Variants in MAP3K4 observed in about 807,000 individuals in gnomAD.
MAP3K4 encodes MAP three kinase 1.
MAP3K4 carries 67 observed loss-of-function variants against 185.6 expected under a neutral mutation model. The ratio of observed to expected loss-of-function variants is 0.36; its 90% confidence interval spans 0.30 to 0.44. MAP3K4 has a LOEUF of 0.44. MAP3K4 is among the 20% of genes least tolerant of loss of function. The pLI, the probability that MAP3K4 is intolerant of heterozygous loss-of-function variation, is 1.00. For synonymous variants in MAP3K4, 702 were observed against 710.4 expected (o/e 0.99, Z 0.19); for missense variants, 1,551 against 1,995.1 (o/e 0.78, Z 4.24).
intron 3 of MAP3K4, among the ~76,000 whole-genome samples, chr6:161,060,233 C>T (rs1482365633): frequency 6.6e-6 from 1 of 151,988 alleles, no homozygotes; most frequent in Non-Finnish European, 1.5e-5. Context: ...TAAACTTTTC[C>T]TCACCTATTA....
Position 161,108,370 on chromosome 6 carries a change from G to C in MAP3K4, c.4120-373G>C, listed in dbSNP as rs74319298. On this transcript the variant is annotated intron_variant, in intron 21 of 26. Transcript: ENST00000392142. The surrounding 1 kb of genome is among the most constrained non-coding windows in gnomAD (Gnocchi z 5.7). ...GAGGTAGGATGGGGAAAGGGCCAGG[G>C]AACCTGAAGTAGAAACAGGACTCAC... Among the ~76,000 whole-genome samples, 5,381 of 152,278 alleles carry C rather than the reference G, an allele frequency of 0.035. 329 individuals are homozygous for C. Among genetic ancestry groups the C allele is most frequent in the African/African-American group, 0.12 (5,111 of 41,544 alleles).
chr6:161,108,740 C>T lies in MAP3K4; in HGVS notation c.4120-3C>T. The T allele has an allele frequency of 1.3e-6, 2 of 1,583,886 alleles. No individual in the cohort carries two copies. Among genetic ancestry groups the T allele is most frequent in the Non-Finnish European group, 1.7e-6 (2 of 1,152,462 alleles). The stretch of plus-strand genomic sequence containing the variant: ...TTAACATTTTTGTCACCTCACTTTA[C>T]AGATTCGATTTCAACCTAATGACCA... On this transcript the variant is annotated splice_polypyrimidine_tract_variant and splice_region_variant and intron_variant, in intron 21 of 26. Transcript: ENST00000392142. This position sits in a 1 kb window ranked among gnomAD's most constrained non-coding sequence, Gnocchi z 5.7.
chr6:161,081,006 G>A lies in MAP3K4; in HGVS notation c.2223G>A (p.Arg741=). The change falls in exon 6 of 27, where the codon CGG becomes CGA. Residue 741 remains arginine (R), a synonymous_variant. Transcript: ENST00000392142. ...CCAAAGAAATAACTCATTACATACG[G>A]GGAGGAGAAGCACAGGCCGGGAAGC... ...NFTKEITHYI[R]GGEAQAGKLF... 1 of 1,614,120 alleles carries A rather than the reference G, an allele frequency of 6.2e-7. No individual in the cohort carries two copies. Among genetic ancestry groups the A allele is most frequent in the Non-Finnish European group, 8.5e-7 (1 of 1,180,024 alleles).
chr6:161,025,002 TCCATCCATCCATCCAC>T (rs1193052501), intron 1 of MAP3K4, among the ~76,000 whole-genome samples: 38 of 148,134 alleles, frequency 2.6e-4, no homozygotes, highest in Middle Eastern at 3.4e-3. Flanking sequence ...CACCCAGCCA[TCCATCCATCCATCCAC>T]CCATCCATCC....
chr6:161,029,252 G>T (rs1291641936), intron 1 of MAP3K4, among the ~76,000 whole-genome samples: 1 of 151,100 alleles, frequency 6.6e-6, no homozygotes, highest in South Asian at 2.1e-4. Context: ...GGCGGGGGTG[G>T]TGTTGGGGGG....
intron 5 of MAP3K4, among the ~76,000 whole-genome samples, chr6:161,079,303 C>T (rs969814177): frequency 4.7e-5 from 7 of 148,580 alleles, no homozygotes; most frequent in Non-Finnish European, 5.9e-5. Context: ...GTTGGCCGGA[C>T]GCAGTGGTTC....
intron 10 of MAP3K4, among the ~76,000 whole-genome samples, chr6:161,089,018 ACACACACACT>A (rs1366286286): frequency 2.1e-5 from 3 of 145,222 alleles, no homozygotes; most frequent in Non-Finnish European, 2.9e-5. Context: ...GCACACATAC[ACACACACACT>A]CACACACACT....
intron 1 of MAP3K4, among the ~76,000 whole-genome samples, chr6:161,032,771 C>G (rs1328517133): frequency 1.3e-5 from 2 of 152,122 alleles, no homozygotes; most frequent in African/African-American, 4.8e-5. Context: ...TGTTATGAGA[C>G]TTAAATAATG....
At position 161,027,677 on chromosome 6, in the gene MAP3K4, T is replaced by G. The variant is rs112210005; in HGVS notation, c.153-6582T>G. On this transcript the variant is annotated intron_variant, in intron 1 of 26. Transcript: ENST00000392142. Reference sequence around the variant, plus strand: ...GCTGTAGCCCTCATTAAAGTAGTGGTTGATTAAAACCCACTCATGGGTTTA... The same window carrying G: ...GCTGTAGCCCTCATTAAAGTAGTGGGTGATTAAAACCCACTCATGGGTTTA... Among the ~76,000 whole-genome samples, 1,150 of 152,296 alleles carry G rather than the reference T, an allele frequency of 7.6e-3. 11 individuals carry two copies. Among genetic ancestry groups the G allele is most frequent in the African/African-American group, 0.026 (1,093 of 41,562 alleles).
In MAP3K4 at chr6:161,075,123, G is replaced by C. The variant is rs936854587; in HGVS notation, c.2097+1511G>C. Reference sequence around the variant, plus strand: ...GTTATTCTCTATATAAAAGACCTGAGTGTGTAAAATGGCTGTATTTTGAAA... The same window carrying C: ...GTTATTCTCTATATAAAAGACCTGACTGTGTAAAATGGCTGTATTTTGAAA... On this transcript the variant is annotated intron_variant, in intron 5 of 26. Coordinates refer to ENST00000392142, the MANE Select transcript of MAP3K4 (RefSeq NM_005922.4). This position sits in a 1 kb window ranked among gnomAD's most constrained non-coding sequence, Gnocchi z 4.3. 6.6e-6 allele frequency among the ~76,000 whole-genome samples: 1 copy of C among 152,184 alleles called. No homozygotes were observed. Among genetic ancestry groups the C allele is most frequent in the Non-Finnish European group, 1.5e-5 (1 of 68,030 alleles).
rs1173523441 is a variant in MAP3K4 at position 161,075,257 on chromosome 6, C to T, written c.2097+1645C>T. Among the ~76,000 whole-genome samples, 2 of 152,136 alleles carry T rather than the reference C, an allele frequency of 1.3e-5. No homozygotes were observed. Among genetic ancestry groups the T allele is most frequent in the Non-Finnish European group, 2.9e-5 (2 of 68,038 alleles). ...GTAGTCTCAACCTACTGGGCTCAAA[C>T]GATCCTCCTGCCTCAGCCTCCCTAA... is the stretch of plus-strand genomic sequence containing the variant. On this transcript the variant is annotated intron_variant, in intron 5 of 26. Coordinates refer to ENST00000392142, the MANE Select transcript of MAP3K4 (RefSeq NM_005922.4). This position sits in a 1 kb window ranked among gnomAD's most constrained non-coding sequence, Gnocchi z 4.3.
intron 3 of MAP3K4, among the ~76,000 whole-genome samples, chr6:161,069,058 G>C (rs1454439284): frequency 6.6e-6 from 1 of 152,240 alleles, no homozygotes; most frequent in Non-Finnish European, 1.5e-5. Context: ...GTTATATGTA[G>C]TATGTTTTTA....
intron 5 of MAP3K4, among the ~76,000 whole-genome samples, chr6:161,079,251 G>C (rs1056454409): frequency 4.7e-5 from 7 of 149,576 alleles, no homozygotes; most frequent in Admixed American, 3.3e-4. Context: ...GGAACAGGAG[G>C]AAGCTGACTT....
Position 161,039,729 on chromosome 6 carries a change from A to T in MAP3K4, c.343+5280A>T, listed in dbSNP as rs139717252. Among the ~76,000 whole-genome samples the T allele has an allele frequency of 4.7e-3, 716 of 152,340 alleles. 6 individuals are homozygous for T. The highest frequency in any genetic ancestry group is 0.017 in the African/African-American group (696 of 41,588). ...TAAATAAGCTCTTAGTTTTGTAAAG[A>T]TAAGAGAGATGCACACCATAAATAC... is the stretch of plus-strand genomic sequence containing the variant. On this transcript the variant is annotated intron_variant, in intron 2 of 26. Transcript: ENST00000392142.
chr6:161,043,473 C>G lies in MAP3K4; in HGVS notation c.344-5143C>G, dbSNP rs944973435. On this transcript the variant is annotated intron_variant, in intron 2 of 26. Transcript: ENST00000392142. This position sits in a 1 kb window ranked among gnomAD's most constrained non-coding sequence, Gnocchi z 4.3. ...GTCAGTTGGTACTGCCTTGCAAACA[C>G]CTTTGACAAGTCCAAGGATGGTGTG... is the stretch of plus-strand genomic sequence containing the variant. Among the ~76,000 whole-genome samples the G allele has an allele frequency of 6.6e-6, 1 of 152,224 alleles. No homozygotes were observed. The highest frequency in any genetic ancestry group is 2.4e-5 in the African/African-American group (1 of 41,456).
chr6:161,041,932 T>C (rs866946052), intron 2 of MAP3K4, among the ~76,000 whole-genome samples: 1,613 of 135,048 alleles, frequency 0.012, 42 homozygotes, highest in African/African-American at 0.042. Context: ...TTTTCTTTTT[T>C]TTTTTTTTAG....
At position 161,097,355 on chromosome 6, in the gene MAP3K4, A is replaced by G. The variant is rs1326673881; in HGVS notation, c.3524+179A>G. Among the ~76,000 whole-genome samples, 1 of 152,252 alleles carries G rather than the reference A, an allele frequency of 6.6e-6. No homozygotes were observed. Among genetic ancestry groups the G allele is most frequent in the Non-Finnish European group, 1.5e-5 (1 of 68,044 alleles). ...TTAGTCGCAAAAGAAAAAGACATGC[A>G]AATTTAAAACAGACCTGTGCCTTTC... On this transcript the variant is annotated intron_variant, in intron 16 of 26. Coordinates refer to ENST00000392142, the MANE Select transcript of MAP3K4 (RefSeq NM_005922.4). The surrounding 1 kb of genome is among the most constrained non-coding windows in gnomAD (Gnocchi z 4.9).
intron 1 of MAP3K4, among the ~76,000 whole-genome samples, chr6:161,019,623 G>A (rs559260956): frequency 3.5e-4 from 53 of 152,190 alleles, no homozygotes; most frequent in Non-Finnish European, 6.3e-4. Context: ...TGGCTTGGCC[G>A]GTCTTGAACT....
rs778101871 is a variant in MAP3K4, at chr6:161,049,570, G to T, written c.1298G>T (p.Arg433Leu). 1 of 1,613,954 alleles carries T rather than the reference G, an allele frequency of 6.2e-7. No homozygotes were observed. The highest frequency in any genetic ancestry group is 2.2e-5 in the East Asian group (1 of 44,888). Residue 433 changes from arginine (R) to leucine (L), a missense_variant, in exon 3 of 27, where the codon CGA (arginine) becomes CTA (leucine). Physicochemically the swap from Arg to Leu is moderately radical, Grantham distance 102. Transcript: ENST00000392142. The surrounding 1 kb of genome is among the most constrained non-coding windows in gnomAD (Gnocchi z 8.4). ...GWPVFEIPSP[R>L]PSKGNEPEYE... ...CCAGTGTTTGAAATCCCTTCCCCTC[G>T]ACCATCCAAAGGTAATGAGCCGGAG...
Sources: gnomAD v4.1 joint callset for allele counts (sites outside exome capture counted in the v4.1 genomes callset) on GRCh38, gnomAD v4.1.1 for gene constraint, Gnocchi (gnomAD v3.1) non-coding constraint, MANE v1.5 for transcripts, NCBI Gene and HGNC (gene_info 2026-07-23, HGNC 2026-07-21) for gene names.